SIGLEC5: variants seen among roughly 807,000 people sequenced by gnomAD.
The protein encoded by SIGLEC5 is sialic acid binding Ig like lectin 5, also known as sialic acid-binding Ig-like lectin 5.
A neutral mutation model predicts 45.9 loss-of-function variants in SIGLEC5; 34 were observed. The ratio of observed to expected loss-of-function variants is 0.74; its 90% CI spans 0.56 to 0.99. The LOEUF (loss-of-function observed/expected upper bound fraction) is 0.99. Among genes scored for constraint, SIGLEC5 ranks in the 50% least tolerant of loss-of-function variants. The probability of loss-of-function intolerance (pLI) is 0.00; values close to 1 mark genes in which losing one functional copy is unlikely to be tolerated. For synonymous variants in SIGLEC5, 203 were observed against 258.6 expected (o/e 0.79, Z 2.06); for missense variants, 508 against 629.6 (o/e 0.81, Z 2.07).
chr19:51,617,569 A>G (rs981400057), intron 8 of SIGLEC5, among the ~76,000 whole-genome samples: 2 of 152,190 alleles, frequency 1.3e-5, no homozygotes, highest in Non-Finnish European at 2.9e-5. Flanking sequence ...ACCAAAGGAA[A>G]ATCACTTTAA....
At chr19:51,628,721 G>C (rs558760530) in intron 4 of SIGLEC5, among the ~76,000 whole-genome samples, 5 of 150,058 alleles carry the variant, frequency 3.3e-5, no homozygotes, top group Non-Finnish European at 7.4e-5. Context: ...GCATATGTGT[G>C]TGGTGTGTGT....
chr19:51,617,649 G>A (rs1983116794), intron 8 of SIGLEC5, among the ~76,000 whole-genome samples: 1 of 152,034 alleles, frequency 6.6e-6, no homozygotes, highest in Non-Finnish European at 1.5e-5. Flanking sequence ...AGGCATATAA[G>A]TCTTCAGAAG....
intron 8 of SIGLEC5, among the ~76,000 whole-genome samples, chr19:51,620,968 A>T (rs1354862571): frequency 1.3e-5 from 2 of 152,280 alleles, no homozygotes; most frequent in Admixed American, 1.3e-4. Flanking sequence ...TACAGGCATG[A>T]GCCACCAAAC....
chr19:51,629,268 C>T, intron 3 of SIGLEC5, 90 bp downstream of exon 3: 1 of 908,550 alleles, frequency 1.1e-6, no homozygotes, highest in Non-Finnish European at 1.5e-6. Flanking sequence ...TCTCTGTCTT[C>T]CTTACACACA....
rs957946922 is a variant in SIGLEC5, at chr19:51,611,121, G to A, written c.*1110C>T. On this transcript the variant is annotated 3_prime_UTR_variant, in exon 9 of 9. Transcript: ENST00000683636. ...ATCAATGTCCTCCCAGTACTCCACTGGAATTATCCACTCATTTCCTCATGA... is the reference window on the plus strand; with the variant it reads ...ATCAATGTCCTCCCAGTACTCCACTAGAATTATCCACTCATTTCCTCATGA... Among the ~76,000 whole-genome samples the A allele has an allele frequency of 6.6e-6, 1 of 152,116 alleles. No individual in the cohort carries two copies. Among genetic ancestry groups the A allele is most frequent in the Non-Finnish European group, 1.5e-5 (1 of 68,016 alleles).
chr19:51,629,421 A>G lies in SIGLEC5; in HGVS notation c.637T>C (p.Cys213Arg). Reference protein sequence around the residue: ...RPEDHGTNLTCQMKRQGAQVT... With the variant: ...RPEDHGTNLTRQMKRQGAQVT... ...TGAGCTCCTTGGCGTTTCATCTGAC[A>G]GGTGAGGTTGGTGCCATGGTCCTCG... Residue 213 changes from cysteine (C) to arginine (R), a missense_variant, in exon 3 of 9, where the codon TGT (cysteine) becomes CGT (arginine). Cys to Arg is a radical substitution (Grantham distance 180). Around this residue, in one of 2 missense-constraint regions of SIGLEC5, gnomAD observed 431 missense variants for 428.8 expected, o/e 1.01. Transcript: ENST00000683636. 1.9e-6 allele frequency: 3 copies of G among 1,613,668 alleles called. No homozygotes were observed. Among genetic ancestry groups the G allele is most frequent in the Non-Finnish European group, 2.5e-6 (3 of 1,179,952 alleles).
In SIGLEC5 at chr19:51,611,422, G is replaced by T. The variant is rs570323460; in HGVS notation, c.*809C>A. Among the ~76,000 whole-genome samples the T allele has an allele frequency of 2.0e-4, 30 of 152,302 alleles. No individual in the cohort carries two copies. In the South Asian group the frequency reaches 6.0e-3, roughly 31 times the overall value. ...AATCTCAAATTGCAAAGACAGTGTGGTATGAACCAGCATGAAAGGCTTAAG... is the reference window on the plus strand; with the variant it reads ...AATCTCAAATTGCAAAGACAGTGTGTTATGAACCAGCATGAAAGGCTTAAG... On this transcript the variant is annotated 3_prime_UTR_variant, in exon 9 of 9. Transcript: ENST00000683636.
At chr19:51,629,673 G>C in intron 2 of SIGLEC5, 37 bp from the exon 3 acceptor site, 1 of 1,051,162 alleles carries the variant, frequency 9.5e-7, no homozygotes, top group South Asian at 1.5e-5. Flanking sequence ...GGCCCCAGGG[G>C]CTTGAGGACG....
intron 8 of SIGLEC5, among the ~76,000 whole-genome samples, chr19:51,616,906 C>CCACCTT (rs1983079086): frequency 6.5e-5 from 3 of 46,374 alleles, no homozygotes; most frequent in South Asian, 1.0e-3. Flanking sequence ...GTGAGACTGT[C>CCACCTT]AAAAAAAAAA....
chr19:51,627,811 G>T (rs1245258765), intron 5 of SIGLEC5, 23 bp downstream of exon 5: 1 of 1,583,842 alleles, frequency 6.3e-7, no homozygotes, highest in Non-Finnish European at 8.6e-7. Context: ...TGCAGTTCCT[G>T]CTCCAGCTGC....
Position 51,629,396 on chromosome 19 carries a change from T to G in SIGLEC5, c.662A>C (p.Gln221Pro). The stretch of plus-strand genomic sequence containing the variant: ...CTGGACAGTTCTCTCCGTGGTCACC[T>G]GAGCTCCTTGGCGTTTCATCTGACA... ...LTCQMKRQGAQVTTERTVQLN... is the reference protein window; with the variant it reads ...LTCQMKRQGAPVTTERTVQLN... The change falls in exon 3 of 9, where the codon CAG becomes CCG. Residue 221 changes from glutamine to proline, a missense_variant. Physicochemically the swap from Gln to Pro is moderately conservative, Grantham distance 76. This residue lies in a region of SIGLEC5 where 431 missense variants were observed against 428.8 expected (regional missense o/e 1.01). Transcript: ENST00000683636. The G allele has an allele frequency of 6.2e-7, 1 of 1,613,926 alleles. No homozygotes were observed. The highest frequency in any genetic ancestry group is 8.5e-7 in the Non-Finnish European group (1 of 1,179,994).
At position 51,628,104 on chromosome 19, in the gene SIGLEC5, A is replaced by G. The variant is rs746438308; in HGVS notation, c.740-13T>C. Reference sequence around the variant, plus strand: ...AGGATCTCTAGGGCTTTGGGGAGAGAAGGGTGGGGAAAGAGAGATGGGGCC... The same window carrying G: ...AGGATCTCTAGGGCTTTGGGGAGAGGAGGGTGGGGAAAGAGAGATGGGGCC... On this transcript the variant is annotated splice_polypyrimidine_tract_variant and intron_variant, in intron 4 of 8. Transcript: ENST00000683636. The G allele has an allele frequency of 2.7e-6, 4 of 1,503,474 alleles. No homozygotes were observed. Among genetic ancestry groups the G allele is most frequent in the East Asian group, 2.4e-5 (1 of 42,484 alleles). 93.1% of individuals were successfully genotyped at this position (1,503,474 alleles called of 1,614,324 possible). A position where few individuals can be genotyped will look rare whatever the true frequency, so the allele number is the denominator to read the frequency against.
In SIGLEC5 at chr19:51,617,842, A is replaced by C. The variant is rs994268077; in HGVS notation, c.1465-5420T>G. On this transcript the variant is annotated intron_variant, in intron 8 of 8. Transcript: ENST00000683636. ...TAATAGAAAAATGCTAAGTATGTTC[A>C]TAATAACACAGAACAAAAACTGCAC... 3.3e-5 allele frequency among the ~76,000 whole-genome samples: 5 copies of C among 151,986 alleles called. No individual in the cohort carries two copies. In the East Asian group the frequency reaches 9.6e-4, roughly 29 times the overall value.
chr19:51,615,144 C>T (rs1463728218), intron 8 of SIGLEC5, among the ~76,000 whole-genome samples: 3 of 152,178 alleles, frequency 2.0e-5, no homozygotes, highest in Non-Finnish European at 4.4e-5. Flanking sequence ...GAAAACAAAG[C>T]TCTCTCTACC....
chr19:51,614,922 A>G (rs891586715), intron 8 of SIGLEC5, among the ~76,000 whole-genome samples: 1 of 152,210 alleles, frequency 6.6e-6, no homozygotes, highest in African/African-American at 2.4e-5. Context: ...ACAATCCGAG[A>G]CAGATACTAG....
chr19:51,616,299 A>G (rs934235992), intron 8 of SIGLEC5, among the ~76,000 whole-genome samples: 2 of 152,256 alleles, frequency 1.3e-5, no homozygotes, highest in African/African-American at 4.8e-5. Context: ...AGCATATTAC[A>G]TGCACTAAAA....
intron 8 of SIGLEC5, among the ~76,000 whole-genome samples, chr19:51,616,836 A>G (rs1356019108): frequency 7.4e-6 from 1 of 134,994 alleles, no homozygotes; most frequent in Non-Finnish European, 1.5e-5. Context: ...ACTTGAACCC[A>G]GGAGGCAGAG....
At chr19:51,616,579 A>G (rs1983062910) in intron 8 of SIGLEC5, among the ~76,000 whole-genome samples, 1 of 152,162 alleles carries the variant, frequency 6.6e-6, no homozygotes, top group South Asian at 2.1e-4. Context: ...GATGAAGACT[A>G]GAACATATGA....
At chr19:51,617,201 G>C (rs772121329) in intron 8 of SIGLEC5, among the ~76,000 whole-genome samples, 1 of 150,532 alleles carries the variant, frequency 6.6e-6, no homozygotes. Context: ...CTTGCAGTGA[G>C]AGGAGATCGC....
Sources: gnomAD v4.1 joint callset for allele counts (sites outside exome capture counted in the v4.1 genomes callset) on GRCh38, gnomAD v4.1.1 for gene constraint, gnomAD v4.1.1 regional missense constraint, MANE v1.5 for transcripts, NCBI Gene and HGNC (gene_info 2026-07-23, HGNC 2026-07-21) for gene names.